The following IKBKB variants were observed in gnomAD, a reference collection of about 807,000 sequenced individuals.
IKBKB encodes inhibitor of nuclear factor kappa B kinase subunit beta.
In IKBKB, 42 loss-of-function variants were observed where a neutral mutation model predicts 113.6. The ratio of observed to expected loss-of-function variants is 0.37; its 90% CI spans 0.29 to 0.48. The LOEUF is 0.48. Ranked by LOEUF, IKBKB falls within the 20% of genes least tolerant of loss-of-function variation. IKBKB has a pLI of 0.99. For missense variants in IKBKB, 673 were observed against 939.7 expected, an observed-to-expected ratio of 0.72 and a Z score of 3.71; for synonymous variants, 296 against 361.3, an observed-to-expected ratio of 0.82 and a Z score of 2.05.
chr8:42,312,626 C>G (rs974721576), intron 8 of IKBKB, among the ~76,000 whole-genome samples: 1 of 152,186 alleles, frequency 6.6e-6, no homozygotes, highest in African/African-American at 2.4e-5. Flanking sequence ...TATTTTGGGT[C>G]CTTTTCTAAT....
intron 2 of IKBKB, among the ~76,000 whole-genome samples, chr8:42,273,659 G>A (rs1162462672): frequency 6.6e-6 from 1 of 151,778 alleles, no homozygotes; most frequent in Non-Finnish European, 1.5e-5. Flanking sequence ...TCCCGTCTTT[G>A]CCTCCCAAAA....
intron 8 of IKBKB, among the ~76,000 whole-genome samples, chr8:42,310,053 T>C (rs1358237987): frequency 6.6e-6 from 1 of 152,202 alleles, no homozygotes; most frequent in Non-Finnish European, 1.5e-5. Context: ...ATATAGACCA[T>C]TTTTATTTGT....
At chr8:42,306,000 GC>G (rs1170876590) in intron 6 of IKBKB, among the ~76,000 whole-genome samples, 3 of 152,238 alleles carry the variant, frequency 2.0e-5, no homozygotes, top group African/African-American at 7.2e-5. Context: ...AGAACTGAGG[GC>G]ATTTACTGAG....
intron 2 of IKBKB, among the ~76,000 whole-genome samples, chr8:42,276,798 G>T (rs1285002242): frequency 5.4e-5 from 8 of 149,508 alleles, no homozygotes; most frequent in Admixed American, 1.3e-4. Context: ...GGGTTCAAGC[G>T]ATTCTCCTGC....
chr8:42,331,201 A>G lies in IKBKB; in HGVS notation c.*222A>G, dbSNP rs910060064. On this transcript the variant is annotated 3_prime_UTR_variant, in exon 22 of 22. Coordinates refer to ENST00000520810, the MANE Select transcript of IKBKB (RefSeq NM_001556.3). Reference sequence around the variant, plus strand: ...TCAGCAGCTGTGACTTTCACCCAGGACCCAGGACGCAGCCCTCCGTGGGCA... The same window carrying G: ...TCAGCAGCTGTGACTTTCACCCAGGGCCCAGGACGCAGCCCTCCGTGGGCA... 5.2e-6 allele frequency: 4 copies of G among 772,756 alleles called. No homozygotes were observed. The highest frequency in any genetic ancestry group is 8.9e-6 in the Non-Finnish European group (4 of 450,686). 47.9% of individuals were successfully genotyped at this position (772,756 alleles called of 1,614,324 possible). A position where few individuals can be genotyped will look rare whatever the true frequency, so the allele number is the denominator to read the frequency against.
chr8:42,318,283 G>A lies in IKBKB; in HGVS notation c.1241-269G>A, dbSNP rs7012463. On this transcript the variant is annotated intron_variant, in intron 12 of 21. Coordinates refer to ENST00000520810, the MANE Select transcript of IKBKB (RefSeq NM_001556.3). ...GTCTCAAAAAAAAAAAAAAAATTCTGTTGAAAATATATGGCCCTATATACA... is the reference window on the plus strand; with the variant it reads ...GTCTCAAAAAAAAAAAAAAAATTCTATTGAAAATATATGGCCCTATATACA... 0.88 allele frequency among the ~76,000 whole-genome samples: 133,380 copies of A among 151,938 alleles called. 59,850 individuals are homozygous for A. Among genetic ancestry groups the A allele is most frequent in the East Asian group, 0.99 (5,158 of 5,190 alleles).
chr8:42,272,003 A>C, intron 1 of IKBKB, 80 bp from the exon 2 acceptor site: 196 of 1,284,680 alleles, frequency 1.5e-4, no homozygotes, highest in Non-Finnish European at 1.9e-4. Flanking sequence ...GAGCAGTGGT[A>C]TCTCTTGCCT....
At chr8:42,297,153 G>A (rs1049646622) in intron 5 of IKBKB, among the ~76,000 whole-genome samples, 6 of 152,136 alleles carry the variant, frequency 3.9e-5, no homozygotes, top group Admixed American at 3.3e-4. Context: ...GTGCAGCCCC[G>A]GTTTTGTTTT....
chr8:42,329,418 G>T (rs1330136289), intron 21 of IKBKB: 2 of 954,764 alleles, frequency 2.1e-6, no homozygotes, highest in African/African-American at 3.5e-5. Context: ...CGCTTCCCGG[G>T]TTCAAGTGAT....
At chr8:42,298,174 G>T in intron 5 of IKBKB, 2 of 985,376 alleles carry the variant, frequency 2.0e-6, no homozygotes, top group Non-Finnish European at 2.4e-6. Flanking sequence ...TCAAAATTCT[G>T]GGCACTCAAG....
At chr8:42,302,697 A>G (rs1309434562) in intron 5 of IKBKB, among the ~76,000 whole-genome samples, 1 of 152,074 alleles carries the variant, frequency 6.6e-6, no homozygotes, top group Non-Finnish European at 1.5e-5. Context: ...CATATAAGGT[A>G]TATATGAAAC....
At position 42,315,929 on chromosome 8, in the gene IKBKB, G is replaced by GC. The variant is rs11438341; in HGVS notation, c.801-281_801-280insC. 1 allele frequency among the ~76,000 whole-genome samples: 152,336 copies of GC among 152,336 alleles called. 76,168 individuals are homozygous for GC. The highest frequency in any genetic ancestry group is 1 in the Non-Finnish European group (68,046 of 68,046). On this transcript the variant is annotated intron_variant, in intron 9 of 21. Transcript: ENST00000520810. ...CCACCTGCTTTGGCCTCCCCAAAGT[G>GC]TGGGATTACAGGCATGAGCCACTGT...
At chr8:42,304,640 C>T (rs547018203) in intron 5 of IKBKB, among the ~76,000 whole-genome samples, 2 of 152,272 alleles carry the variant, frequency 1.3e-5, no homozygotes, top group Non-Finnish European at 2.9e-5. Flanking sequence ...TCTGCCTCCC[C>T]GCTGCTTCCT....
chr8:42,301,357 A>G (rs1197993234), intron 5 of IKBKB, among the ~76,000 whole-genome samples: 1 of 152,184 alleles, frequency 6.6e-6, no homozygotes, highest in African/African-American at 2.4e-5. Context: ...ATTTTTCTTC[A>G]TCTCAATGTC....
chr8:42,331,409 A>G lies in IKBKB; in HGVS notation c.*430A>G. Reference sequence around the variant, plus strand: ...GTGTCCAATTCAAATCTTTCAGGGCAGAGTCCGAGCAGCGCTTGGTGACAG... The same window carrying G: ...GTGTCCAATTCAAATCTTTCAGGGCGGAGTCCGAGCAGCGCTTGGTGACAG... On this transcript the variant is annotated 3_prime_UTR_variant, in exon 22 of 22. Coordinates refer to ENST00000520810, the MANE Select transcript of IKBKB (RefSeq NM_001556.3). The G allele has an allele frequency of 1.4e-6, 1 of 702,850 alleles. No individual in the cohort carries two copies. The highest frequency in any genetic ancestry group is 2.6e-6 in the Non-Finnish European group (1 of 385,008). The allele number at this position is 702,850 out of a possible 1,614,324, so 43.5% of individuals were successfully genotyped here.
chr8:42,325,442 G>A, intron 19 of IKBKB: 1 of 968,506 alleles, frequency 1.0e-6, no homozygotes, highest in Non-Finnish European at 1.2e-6. Flanking sequence ...CAGAACTTTG[G>A]GAGGCTGAGG....
chr8:42,301,265 G>A (rs532177834), intron 5 of IKBKB, among the ~76,000 whole-genome samples: 5 of 152,300 alleles, frequency 3.3e-5, no homozygotes, highest in African/African-American at 7.2e-5. Flanking sequence ...ATGCTTTGTG[G>A]TGTGGCTTTT....
intron 16 of IKBKB, chr8:42,321,574 T>C (rs1401763199): frequency 3.8e-6 from 1 of 263,768 alleles, no homozygotes; most frequent in African/African-American, 2.2e-5. Context: ...AATGCTGGAG[T>C]GCAGTGGCAC....
intron 21 of IKBKB, 28 bp downstream of exon 21, chr8:42,329,242 T>C: frequency 6.5e-7 from 1 of 1,535,270 alleles, no homozygotes. Flanking sequence ...ACTCCTGCGA[T>C]TCCATGTCCT....
Sources: gnomAD v4.1 joint callset for allele counts (sites outside exome capture counted in the v4.1 genomes callset) on GRCh38, gnomAD v4.1.1 for gene constraint, MANE v1.5 for transcripts, NCBI Gene and HGNC (gene_info 2026-07-23, HGNC 2026-07-21) for gene names.